The following RAPGEF6 variants were observed in gnomAD, a reference collection of about 807,000 sequenced individuals.
RAPGEF6 encodes the protein PDZ domain containing guanine nucleotide exchange factor (GEF) 2.
A neutral mutation model predicts 171.4 loss-of-function variants in RAPGEF6; 56 were observed. The observed-to-expected ratio is 0.33, with a 90% CI of 0.26 to 0.41. RAPGEF6 has a LOEUF of 0.41. RAPGEF6 is among the 10% of genes least tolerant of loss of function. RAPGEF6 has a pLI of 1.00. For missense variants in RAPGEF6, 1,674 were observed against 1,921.4 expected, an observed-to-expected ratio of 0.87 and a Z score of 2.41; for synonymous variants, 692 against 650.1, an observed-to-expected ratio of 1.06 and a Z score of -0.98.
At chr5:131,608,765 T>A (rs1224785456) in intron 1 of RAPGEF6, among the ~76,000 whole-genome samples, 1 of 151,266 alleles carries the variant, frequency 6.6e-6, no homozygotes, top group Non-Finnish European at 1.5e-5. Context: ...TTAAAAAAAG[T>A]CTGGCTTCCT....
At chr5:131,590,620 T>G (rs1161382720) in intron 4 of RAPGEF6, among the ~76,000 whole-genome samples, 1 of 152,228 alleles carries the variant, frequency 6.6e-6, no homozygotes, top group African/African-American at 2.4e-5. Context: ...ATCAGTATTA[T>G]TCTTTAGAAT....
intron 13 of RAPGEF6, among the ~76,000 whole-genome samples, chr5:131,493,995 G>A (rs1025142030): frequency 6.6e-6 from 1 of 152,234 alleles, no homozygotes; most frequent in East Asian, 1.9e-4. Context: ...GACCAAATTT[G>A]CCAATTTTTC....
intron 1 of RAPGEF6, among the ~76,000 whole-genome samples, chr5:131,616,745 T>TGAG (rs1765286549): frequency 2.6e-5 from 4 of 151,170 alleles, no homozygotes; most frequent in Non-Finnish European, 5.9e-5. Context: ...TGATCCTCCC[T>TGAG]CCTGAGACTC....
intron 1 of RAPGEF6, among the ~76,000 whole-genome samples, chr5:131,606,345 T>C (rs547040227): frequency 1.7e-4 from 23 of 137,918 alleles, no homozygotes; most frequent in South Asian, 4.7e-4. Context: ...GTCTAGGCGA[T>C]TGAGACTCCA....
chr5:131,492,091 G>C (rs1756321954), intron 14 of RAPGEF6, among the ~76,000 whole-genome samples: 1 of 151,972 alleles, frequency 6.6e-6, no homozygotes, highest in Non-Finnish European at 1.5e-5. Context: ...TTTTTTCCTA[G>C]TCCCCCATTT....
At chr5:131,428,065 T>C (rs1056683414) in intron 27 of RAPGEF6, among the ~76,000 whole-genome samples, 2 of 152,062 alleles carry the variant, frequency 1.3e-5, no homozygotes, top group Non-Finnish European at 2.9e-5. Flanking sequence ...ATCATGCCAC[T>C]GCACTCCAGC....
chr5:131,482,532 G>T (rs1277984739), intron 15 of RAPGEF6, among the ~76,000 whole-genome samples: 3 of 152,070 alleles, frequency 2.0e-5, no homozygotes, highest in African/African-American at 7.2e-5. Flanking sequence ...TGAACTCCTG[G>T]GCTCAAATGA....
intron 1 of RAPGEF6, among the ~76,000 whole-genome samples, chr5:131,630,453 G>T (rs756672010): frequency 6.6e-6 from 1 of 152,214 alleles, no homozygotes. Context: ...CAAACCTGCA[G>T]TATCTGGGAG....
At chr5:131,455,247 G>T (rs1228059184) in intron 20 of RAPGEF6, among the ~76,000 whole-genome samples, 1 of 152,180 alleles carries the variant, frequency 6.6e-6, no homozygotes, top group African/African-American at 2.4e-5. Context: ...AAAATCAGGA[G>T]ATGAGCAAAT....
rs115311181 is a variant in RAPGEF6 at position 131,602,477 on chromosome 5, T to C, written c.197+794A>G. ...TATTTATAATACTAAAAATTAGAAA[T>C]TGGCCAGGCACGGTGGCTCACACCT... On this transcript the variant is annotated intron_variant, in intron 3 of 27. Transcript: ENST00000509018. Among the ~76,000 whole-genome samples the C allele has an allele frequency of 3.4e-3, 513 of 152,198 alleles. 4 individuals carry two copies. The highest frequency in any genetic ancestry group is 0.012 in the African/African-American group (488 of 41,518).
At chr5:131,525,911 C>T (rs1463437115) in intron 6 of RAPGEF6, among the ~76,000 whole-genome samples, 1 of 152,074 alleles carries the variant, frequency 6.6e-6, no homozygotes, top group African/African-American at 2.4e-5. Flanking sequence ...CCTCACTAAA[C>T]CCTAAAAAGG....
intron 4 of RAPGEF6, among the ~76,000 whole-genome samples, chr5:131,584,158 C>A (rs2149994976): frequency 6.6e-6 from 1 of 152,258 alleles, no homozygotes; most frequent in Middle Eastern, 3.4e-3. Flanking sequence ...GCTTATCAAA[C>A]TGTATACTAT....
At chr5:131,491,265 T>C (rs1756263392) in intron 14 of RAPGEF6, among the ~76,000 whole-genome samples, 1 of 152,142 alleles carries the variant, frequency 6.6e-6, no homozygotes, top group South Asian at 2.1e-4. Flanking sequence ...ATGCCAGTAA[T>C]AATCCCCAAG....
intron 7 of RAPGEF6, among the ~76,000 whole-genome samples, chr5:131,515,554 C>T (rs1008682585): frequency 6.6e-6 from 1 of 152,156 alleles, no homozygotes; most frequent in Non-Finnish European, 1.5e-5. Flanking sequence ...GACATCAACT[C>T]TGCACTCCAT....
At chr5:131,591,981 C>T (rs1763618708) in intron 4 of RAPGEF6, among the ~76,000 whole-genome samples, 1 of 152,150 alleles carries the variant, frequency 6.6e-6, no homozygotes, top group Non-Finnish European at 1.5e-5. Flanking sequence ...CCTCAGCCTT[C>T]TGAGTAGCTG....
chr5:131,618,572 A>G (rs1023136573), intron 1 of RAPGEF6, among the ~76,000 whole-genome samples: 52 of 152,214 alleles, frequency 3.4e-4, no homozygotes, highest in African/African-American at 1.3e-3. Context: ...TGGGAGGCAG[A>G]GGCTGCAGTG....
chr5:131,504,479 T>C (rs1757222500), intron 11 of RAPGEF6, 147 bp downstream of exon 11: 1 of 892,090 alleles, frequency 1.1e-6, no homozygotes, highest in Non-Finnish European at 1.6e-6. Context: ...AAAAAAATTT[T>C]AGAGAAAGAC....
intron 16 of RAPGEF6, among the ~76,000 whole-genome samples, chr5:131,474,853 G>A (rs1580883055): frequency 1.3e-5 from 2 of 152,082 alleles, no homozygotes; most frequent in African/African-American, 2.4e-5. Context: ...CAGAGGGTGC[G>A]ACAACAATCC....
At chr5:131,478,795 G>A (rs1285859183) in intron 16 of RAPGEF6, among the ~76,000 whole-genome samples, 1 of 152,150 alleles carries the variant, frequency 6.6e-6, no homozygotes, top group Non-Finnish European at 1.5e-5. Flanking sequence ...CTTTCAGGAG[G>A]CAAGTAAGTA....
Sources: allele counts gnomAD v4.1 joint callset (sites outside exome capture counted in the v4.1 genomes callset), GRCh38; gene constraint gnomAD v4.1.1; transcripts MANE v1.5; gene names NCBI Gene and HGNC (gene_info 2026-07-23, HGNC 2026-07-21).